Variants in ADAMTS19 observed in about 807,000 individuals in gnomAD.
ADAMTS19 encodes A disintegrin and metalloproteinase with thrombospondin motifs 19.
ADAMTS19 carries 93 observed loss-of-function variants against 153.3 expected under a neutral mutation model. The ratio of observed to expected loss-of-function variants is 0.61; its 90% CI spans 0.51 to 0.72. ADAMTS19 has a LOEUF of 0.72. Among genes scored for constraint, ADAMTS19 ranks in the 30% least tolerant of loss-of-function variants. ADAMTS19 has a pLI of 0.00. For synonymous variants in ADAMTS19, 600 were observed against 556.6 expected, an observed-to-expected ratio of 1.08 and a Z score of -1.10; for missense variants, 1,482 against 1,552.1, an observed-to-expected ratio of 0.95 and a Z score of 0.76.
intron 13 of ADAMTS19, among the ~76,000 whole-genome samples, chr5:129,651,988 T>C (rs917977048): frequency 2.0e-5 from 3 of 152,158 alleles, no homozygotes; most frequent in African/African-American, 7.2e-5. Flanking sequence ...CCCATTTACT[T>C]ACGTGTGAAA....
At chr5:129,635,778 T>C (rs39592) in intron 10 of ADAMTS19, among the ~76,000 whole-genome samples, 72,508 of 151,952 alleles carry the variant, frequency 0.48, 19,949 homozygotes, top group African/African-American at 0.76. Context: ...GGAAAAATAT[T>C]TAATGGGTTC....
chr5:129,701,640 C>T lies in ADAMTS19; in HGVS notation c.3159+48C>T. The T allele has an allele frequency of 1.9e-6, 3 of 1,590,344 alleles. No individual in the cohort carries two copies. The South Asian group carries it at 3.4e-5, about 18-fold the overall frequency. ...TCCCCATTCCTACTCTGACTCCTAG[C>T]TTGTACAAGATCAGGTTGGATCATG... On this transcript the variant is annotated intron_variant, in intron 20 of 22. Transcript: ENST00000274487.
At chr5:129,482,714 A>G (rs1750456327) in intron 2 of ADAMTS19, among the ~76,000 whole-genome samples, 1 of 152,220 alleles carries the variant, frequency 6.6e-6, no homozygotes, top group South Asian at 2.1e-4. Context: ...TGTGCTATCA[A>G]TAATGTCCCA....
intron 8 of ADAMTS19, among the ~76,000 whole-genome samples, chr5:129,609,191 G>A (rs983113266): frequency 2.0e-4 from 31 of 152,236 alleles, no homozygotes; most frequent in African/African-American, 7.2e-4. Context: ...TAGTTGAGAG[G>A]GAAAGTGCAT....
intron 7 of ADAMTS19, among the ~76,000 whole-genome samples, chr5:129,588,341 GGTA>G (rs1391108005): frequency 6.6e-5 from 10 of 152,056 alleles, no homozygotes; most frequent in African/African-American, 2.4e-4. Context: ...TCTTTGTATA[GGTA>G]GTAAGTGTTG....
At chr5:129,730,183 G>A (rs759060647) in intron 21 of ADAMTS19, among the ~76,000 whole-genome samples, 3 of 151,972 alleles carry the variant, frequency 2.0e-5, no homozygotes, top group Non-Finnish European at 4.4e-5. Context: ...GCTTTTAAAG[G>A]AGAAAGACCA....
intron 6 of ADAMTS19, among the ~76,000 whole-genome samples, chr5:129,548,574 G>T (rs1004051152): frequency 5.3e-5 from 8 of 151,368 alleles, no homozygotes; most frequent in African/African-American, 1.7e-4. Flanking sequence ...TTACACTGTT[G>T]TTGGGACTGT....
rs775110490 is a variant in ADAMTS19 at position 129,704,262 on chromosome 5, C to T, written c.3183C>T (p.Gly1061=). The change falls in exon 21 of 23, where the codon GGC becomes GGT. Residue 1061 remains glycine (G), a synonymous_variant. Transcript: ENST00000274487. ...AGTGTTCAGTCAAGTGTGGCAAAGG[C>T]ATACGTCATCGGACCGTTAGATGTA... ...WSECSVKCGK[G]IRHRTVRCTN... 6.2e-7 allele frequency: 1 copy of T among 1,613,844 alleles called. No individual in the cohort carries two copies. The highest frequency in any genetic ancestry group is 8.5e-7 in the Non-Finnish European group (1 of 1,179,864).
chr5:129,558,858 A>G (rs1017488883), intron 7 of ADAMTS19, among the ~76,000 whole-genome samples: 3 of 152,110 alleles, frequency 2.0e-5, no homozygotes, highest in African/African-American at 4.8e-5. Context: ...GGTTATTCAC[A>G]TGAAAAAAAT....
chr5:129,540,899 G>A lies in ADAMTS19; in HGVS notation c.1329-10965G>A, dbSNP rs535233209. Among the ~76,000 whole-genome samples the A allele has an allele frequency of 6.6e-5, 10 of 152,010 alleles. No homozygotes were observed. In the South Asian group the frequency reaches 1.7e-3, roughly 25 times the overall value. On this transcript the variant is annotated intron_variant, in intron 6 of 22. Coordinates refer to ENST00000274487, the MANE Select transcript of ADAMTS19 (RefSeq NM_133638.6). ...AATGAAACTCTGTGATGCAGACTTCGGGTGCACAGTCTACATGAGCCAAAA... is the reference window on the plus strand; with the variant it reads ...AATGAAACTCTGTGATGCAGACTTCAGGTGCACAGTCTACATGAGCCAAAA...
intron 19 of ADAMTS19, among the ~76,000 whole-genome samples, chr5:129,696,369 A>T (rs1755550458): frequency 6.6e-6 from 1 of 152,176 alleles, no homozygotes; most frequent in Non-Finnish European, 1.5e-5. Flanking sequence ...GTGAGCAGAG[A>T]TCATGCCATT....
At chr5:129,515,331 A>ATT (rs1427388064) in intron 3 of ADAMTS19, among the ~76,000 whole-genome samples, 1 of 151,818 alleles carries the variant, frequency 6.6e-6, no homozygotes, top group Non-Finnish European at 1.5e-5. Context: ...TTCTGTGAAG[A>ATT]ATGTCATTGG....
At chr5:129,633,448 T>C (rs927302376) in intron 10 of ADAMTS19, among the ~76,000 whole-genome samples, 3 of 152,196 alleles carry the variant, frequency 2.0e-5, no homozygotes, top group African/African-American at 7.2e-5. Flanking sequence ...ATGTTGTTGT[T>C]ATATTATAGA....
chr5:129,506,409 C>G (rs1751269684), intron 2 of ADAMTS19, among the ~76,000 whole-genome samples: 1 of 151,250 alleles, frequency 6.6e-6, no homozygotes, highest in African/African-American at 2.4e-5. Flanking sequence ...TTAAAAGTAG[C>G]TTTCTTGTTT....
Position 129,730,211 on chromosome 5 carries a change from A to G in ADAMTS19, c.3313-4721A>G, listed in dbSNP as rs184282039. The stretch of plus-strand genomic sequence containing the variant: ...AAAGACCATGTCAAAGAGTCCTTCT[A>G]TAATAGCTGGAAATTATAATAAAGC... On this transcript the variant is annotated intron_variant, in intron 21 of 22. Transcript: ENST00000274487. 2.8e-3 allele frequency among the ~76,000 whole-genome samples: 427 copies of G among 152,238 alleles called. 1 individual carries two copies. The highest frequency in any genetic ancestry group is 9.4e-3 in the African/African-American group (391 of 41,584).
intron 2 of ADAMTS19, among the ~76,000 whole-genome samples, chr5:129,488,325 T>A (rs1750662148): frequency 6.6e-6 from 1 of 151,964 alleles, no homozygotes; most frequent in Non-Finnish European, 1.5e-5. Context: ...TAGGAAAGAG[T>A]CACTTTAATT....
intron 7 of ADAMTS19, among the ~76,000 whole-genome samples, chr5:129,583,901 G>A (rs1749650704): frequency 6.6e-6 from 1 of 151,946 alleles, no homozygotes; most frequent in African/African-American, 2.4e-5. Context: ...ACCTTCTGAA[G>A]CCTACTTCTG....
chr5:129,545,902 C>T lies in ADAMTS19; in HGVS notation c.1329-5962C>T, dbSNP rs568591382. Among the ~76,000 whole-genome samples, 33 of 149,370 alleles carry T rather than the reference C, an allele frequency of 2.2e-4. 1 individual carries two copies. The highest frequency in any genetic ancestry group is 7.6e-4 in the African/African-American group (30 of 39,328). On this transcript the variant is annotated intron_variant, in intron 6 of 22. Coordinates refer to ENST00000274487, the MANE Select transcript of ADAMTS19 (RefSeq NM_133638.6). ...CATTACTGGGTATATACCCAAAGGA[C>T]TATAAATCATGCTGCTATAAAGACA...
At chr5:129,601,798 C>T (rs575100376) in intron 8 of ADAMTS19, among the ~76,000 whole-genome samples, 2 of 152,164 alleles carry the variant, frequency 1.3e-5, no homozygotes, top group African/African-American at 2.4e-5. Flanking sequence ...ATTTTACTGG[C>T]GTTTGATCAT....
Sources: gnomAD v4.1 joint callset for allele counts (sites outside exome capture counted in the v4.1 genomes callset) on GRCh38, gnomAD v4.1.1 for gene constraint, MANE v1.5 for transcripts, NCBI Gene and HGNC (gene_info 2026-07-23, HGNC 2026-07-21) for gene names.